Variants in FAM13A observed in about 807,000 individuals in gnomAD.
FAM13A encodes the protein protein FAM13A.
FAM13A carries 76 observed loss-of-function variants against 129.6 expected under a neutral mutation model. That is an observed-to-expected ratio of 0.59 (90% CI 0.49 to 0.71). The LOEUF (loss-of-function observed/expected upper bound fraction) is 0.71. Among genes scored for constraint, FAM13A ranks in the 30% least tolerant of loss-of-function variants. The probability of loss-of-function intolerance (pLI) is 0.00; values close to 1 mark genes in which losing one functional copy is unlikely to be tolerated. For missense variants in FAM13A, 1,108 were observed against 1,249.3 expected, an observed-to-expected ratio of 0.89 and a Z score of 1.70; for synonymous variants, 443 against 449.9, an observed-to-expected ratio of 0.98 and a Z score of 0.20.
Position 88,824,689 on chromosome 4 carries a change from TCTTG to T in FAM13A, c.1008-19641_1008-19638del, listed in dbSNP as rs768093838. 3.6e-3 allele frequency among the ~76,000 whole-genome samples: 530 copies of T among 145,730 alleles called. 2 individuals are homozygous for T. The highest frequency in any genetic ancestry group is 4.9e-3 in the Non-Finnish European group (332 of 67,418). ...TTTTATTTTAAAAAATCACTTTAAC[TCTTG>T]CTTAACACTTTATTATTTATTTATT... On this transcript the variant is annotated intron_variant, in intron 7 of 23. Coordinates refer to ENST00000264344, the MANE Select transcript of FAM13A (RefSeq NM_014883.4).
chr4:88,961,900 T>G (rs543596513), intron 4 of FAM13A, among the ~76,000 whole-genome samples: 134 of 152,142 alleles, frequency 8.8e-4, no homozygotes, highest in African/African-American at 3.1e-3. Context: ...AGGTATTTTA[T>G]CAAGCCATGG....
At chr4:88,960,583 G>A (rs961286808) in intron 4 of FAM13A, among the ~76,000 whole-genome samples, 29 of 152,174 alleles carry the variant, frequency 1.9e-4, no homozygotes, top group African/African-American at 6.3e-4. Context: ...CTCATTTGAA[G>A]TATTAAGATG....
chr4:88,984,924 T>C (rs540722111), intron 4 of FAM13A, among the ~76,000 whole-genome samples: 3 of 152,306 alleles, frequency 2.0e-5, no homozygotes, highest in African/African-American at 7.2e-5. Context: ...GACCCAACAA[T>C]TCTACTCCTA....
chr4:88,835,451 C>A (rs1488020817), intron 7 of FAM13A, among the ~76,000 whole-genome samples: 3 of 152,164 alleles, frequency 2.0e-5, no homozygotes, highest in Non-Finnish European at 4.4e-5. Context: ...TAATGGAGGA[C>A]AACTTTTCCA....
intron 10 of FAM13A, among the ~76,000 whole-genome samples, chr4:88,784,426 A>G (rs1723581019): frequency 6.6e-6 from 1 of 152,144 alleles, no homozygotes; most frequent in Non-Finnish European, 1.5e-5. Flanking sequence ...TCCTTCCTGC[A>G]ATATTCTGTC....
chr4:88,750,375 A>G, intron 15 of FAM13A, 49 bp downstream of exon 15: 1 of 1,437,526 alleles, frequency 7.0e-7, no homozygotes, highest in Non-Finnish European at 9.8e-7. Flanking sequence ...CTCTTTTCTG[A>G]TGTTGTGGGG....
chr4:89,046,855 A>C (rs1770922120), intron 1 of FAM13A, among the ~76,000 whole-genome samples: 2 of 152,200 alleles, frequency 1.3e-5, no homozygotes, highest in Admixed American at 1.3e-4. Context: ...TATCTCGAAA[A>C]GAAAAGAAAA....
intron 7 of FAM13A, among the ~76,000 whole-genome samples, chr4:88,812,682 G>A (rs976393637): frequency 2.6e-5 from 4 of 152,080 alleles, no homozygotes; most frequent in Non-Finnish European, 5.9e-5. Flanking sequence ...AGCTATAACC[G>A]AGTGCTTAGC....
chr4:89,055,325 C>T (rs1451583937), intron 1 of FAM13A, among the ~76,000 whole-genome samples: 1 of 152,066 alleles, frequency 6.6e-6, no homozygotes, highest in East Asian at 1.9e-4. Flanking sequence ...CAAGACAGCA[C>T]AATCAAAGGC....
chr4:88,997,932 G>A (rs1277565867), intron 3 of FAM13A, among the ~76,000 whole-genome samples: 1 of 152,110 alleles, frequency 6.6e-6, no homozygotes, highest in East Asian at 1.9e-4. Context: ...ATAGTATAAT[G>A]AGCTGTTGCC....
chr4:88,926,012 C>T (rs889350977), intron 5 of FAM13A, among the ~76,000 whole-genome samples: 1 of 151,852 alleles, frequency 6.6e-6, no homozygotes, highest in Non-Finnish European at 1.5e-5. Flanking sequence ...GTAGTTTATG[C>T]GGGTGGTTCT....
chr4:88,811,083 GA>G (rs1180034714), intron 7 of FAM13A, among the ~76,000 whole-genome samples: 1 of 152,084 alleles, frequency 6.6e-6, no homozygotes, highest in African/African-American at 2.4e-5. Flanking sequence ...AAGACAAAGG[GA>G]AAAAACTATT....
At chr4:88,877,474 T>C (rs992474822) in intron 6 of FAM13A, among the ~76,000 whole-genome samples, 1 of 152,214 alleles carries the variant, frequency 6.6e-6, no homozygotes, top group Non-Finnish European at 1.5e-5. Flanking sequence ...AGAAAGTCCT[T>C]ATAACAATAT....
At chr4:89,045,157 A>C (rs1013831122) in intron 1 of FAM13A, among the ~76,000 whole-genome samples, 3 of 152,220 alleles carry the variant, frequency 2.0e-5, no homozygotes, top group Non-Finnish European at 4.4e-5. Flanking sequence ...AAATAAAAAA[A>C]TTCAGGAAAG....
chr4:88,887,688 G>A (rs184004977), intron 6 of FAM13A, among the ~76,000 whole-genome samples: 154 of 152,032 alleles, frequency 1.0e-3, no homozygotes, highest in African/African-American at 3.6e-3. Context: ...GTGCCACCAT[G>A]CCCAGCTAAT....
chr4:88,734,438 T>C (rs1333785357), intron 21 of FAM13A, among the ~76,000 whole-genome samples: 1 of 152,206 alleles, frequency 6.6e-6, no homozygotes, highest in Non-Finnish European at 1.5e-5. Flanking sequence ...GTAAAAAAGC[T>C]AGATTTAGTG....
intron 3 of FAM13A, among the ~76,000 whole-genome samples, chr4:89,013,945 G>T (rs1766098527): frequency 6.6e-6 from 1 of 152,102 alleles, no homozygotes; most frequent in African/African-American, 2.4e-5. Flanking sequence ...CGGTTAATCG[G>T]CATGTCTAAA....
chr4:88,764,329 T>C (rs1745353199), intron 13 of FAM13A, among the ~76,000 whole-genome samples: 1 of 152,212 alleles, frequency 6.6e-6, no homozygotes, highest in African/African-American at 2.4e-5. Context: ...GACCTTGTAA[T>C]TCTGACATAA....
At chr4:88,964,454 G>A (rs1048155747) in intron 4 of FAM13A, among the ~76,000 whole-genome samples, 1 of 151,948 alleles carries the variant, frequency 6.6e-6, no homozygotes, top group East Asian at 1.9e-4. Flanking sequence ...AGACCTCCTA[G>A]AGGAGGTAGT....
Sources: allele counts gnomAD v4.1 joint callset (sites outside exome capture counted in the v4.1 genomes callset), GRCh38; gene constraint gnomAD v4.1.1; transcripts MANE v1.5; gene names NCBI Gene and HGNC (gene_info 2026-07-23, HGNC 2026-07-21).